CNTNAP2: variants seen among roughly 807,000 people sequenced by gnomAD.
The protein encoded by CNTNAP2 is contactin associated protein 2.
A neutral mutation model predicts 155.2 loss-of-function variants in CNTNAP2; 98 were observed. That is an observed-to-expected ratio of 0.63 (90% CI 0.54 to 0.75). CNTNAP2 has a LOEUF of 0.75. CNTNAP2 is among the 30% of genes least tolerant of loss of function. CNTNAP2 has a pLI of 0.00. For missense variants in CNTNAP2, 1,727 were observed against 1,688.1 expected (o/e 1.02, Z -0.40); for synonymous variants, 651 against 631.2 (o/e 1.03, Z -0.47).
At chr7:146,845,463 T>C (rs1188912960) in intron 3 of CNTNAP2, among the ~76,000 whole-genome samples, 1 of 152,186 alleles carries the variant, frequency 6.6e-6, no homozygotes, top group African/African-American at 2.4e-5. Flanking sequence ...TTAAGTGAGA[T>C]TATGTAAGTA....
chr7:147,215,906 T>C (rs1315491939), intron 8 of CNTNAP2, among the ~76,000 whole-genome samples: 2 of 152,152 alleles, frequency 1.3e-5, no homozygotes, highest in African/African-American at 2.4e-5. Context: ...TGATATCTCA[T>C]TGTTGTTTTA....
At chr7:147,769,311 T>C (rs1197422808) in intron 13 of CNTNAP2, among the ~76,000 whole-genome samples, 1 of 152,122 alleles carries the variant, frequency 6.6e-6, no homozygotes, top group Non-Finnish European at 1.5e-5. Context: ...ACATACTATG[T>C]TCGCTGGGAG....
chr7:147,429,651 A>G (rs182102081), intron 10 of CNTNAP2, among the ~76,000 whole-genome samples: 4 of 152,208 alleles, frequency 2.6e-5, no homozygotes, highest in South Asian at 2.1e-4. Context: ...AGCTATGTCT[A>G]GAAGAGTTTT....
intron 1 of CNTNAP2, among the ~76,000 whole-genome samples, chr7:146,646,351 T>A (rs1452542690): frequency 6.6e-6 from 1 of 152,206 alleles, no homozygotes. Flanking sequence ...CACATGTGTA[T>A]TTATGTGTAT....
At chr7:147,065,248 G>T (rs1331505146) in intron 4 of CNTNAP2, among the ~76,000 whole-genome samples, 4 of 152,116 alleles carry the variant, frequency 2.6e-5, no homozygotes, top group Non-Finnish European at 5.9e-5. Context: ...TAATTGAAAA[G>T]TTTAATGGAA....
intron 7 of CNTNAP2, among the ~76,000 whole-genome samples, chr7:147,131,184 A>C (rs191041559): frequency 6.6e-6 from 1 of 150,832 alleles, no homozygotes; most frequent in African/African-American, 2.4e-5. Flanking sequence ...ATACATATAC[A>C]TATACCATAC....
intron 12 of CNTNAP2, among the ~76,000 whole-genome samples, chr7:147,631,752 T>C (rs1795089647): frequency 6.6e-6 from 1 of 152,154 alleles, no homozygotes; most frequent in South Asian, 2.1e-4. Context: ...ATTCAACAAA[T>C]GGTGCTGGGA....
At chr7:147,915,760 T>G (rs2538960) in intron 14 of CNTNAP2, among the ~76,000 whole-genome samples, 40,203 of 130,906 alleles carry the variant, frequency 0.31, 5,851 homozygotes, top group African/African-American at 0.41. Context: ...CGGGCGGGGG[T>G]GAAGAAGAAG....
chr7:147,284,444 A>T (rs996642416), intron 8 of CNTNAP2, among the ~76,000 whole-genome samples: 1 of 151,924 alleles, frequency 6.6e-6, no homozygotes, highest in African/African-American at 2.4e-5. Flanking sequence ...TGAATATCAC[A>T]TATGTGTGCA....
intron 1 of CNTNAP2, among the ~76,000 whole-genome samples, chr7:146,324,392 GGTA>G (rs1801061206): frequency 6.6e-6 from 1 of 152,142 alleles, no homozygotes; most frequent in African/African-American, 2.4e-5. Context: ...AGACCATGAA[GGTA>G]CATAAATAGA....
intron 2 of CNTNAP2, among the ~76,000 whole-genome samples, chr7:146,835,861 T>A (rs968158548): frequency 3.9e-5 from 6 of 152,150 alleles, no homozygotes; most frequent in African/African-American, 1.4e-4. Flanking sequence ...CTTTGACCAA[T>A]CCCTGCAGGG....
chr7:146,153,196 AC>A (rs1241067097), intron 1 of CNTNAP2, among the ~76,000 whole-genome samples: 1 of 151,916 alleles, frequency 6.6e-6, no homozygotes, highest in Non-Finnish European at 1.5e-5. Context: ...ATTAAAAATG[AC>A]AAAATTTTAA....
At chr7:147,262,152 T>C (rs1295204325) in intron 8 of CNTNAP2, among the ~76,000 whole-genome samples, 1 of 152,102 alleles carries the variant, frequency 6.6e-6, no homozygotes. Context: ...AAGACAAAAG[T>C]TCAAGAAGGG....
chr7:148,394,900 GAGC>G (rs1351513942), intron 22 of CNTNAP2, among the ~76,000 whole-genome samples: 3 of 152,092 alleles, frequency 2.0e-5, no homozygotes, highest in Non-Finnish European at 4.4e-5. Context: ...CTTCTTGTGG[GAGC>G]AGATCTTTGA....
At chr7:147,628,460 G>A (rs762976601) in intron 12 of CNTNAP2, among the ~76,000 whole-genome samples, 6 of 152,040 alleles carry the variant, frequency 3.9e-5, no homozygotes, top group Non-Finnish European at 5.9e-5. Flanking sequence ...CTAAGCCAGC[G>A]CTATAAGAAA....
intron 12 of CNTNAP2, among the ~76,000 whole-genome samples, chr7:147,635,288 G>A (rs1795159451): frequency 6.7e-6 from 1 of 148,638 alleles, no homozygotes; most frequent in African/African-American, 2.5e-5. Context: ...TTTTTTAATC[G>A]AATTTTTAAA....
intron 21 of CNTNAP2, among the ~76,000 whole-genome samples, chr7:148,289,618 C>T (rs901211557): frequency 5.3e-5 from 8 of 152,020 alleles, no homozygotes; most frequent in African/African-American, 1.9e-4. Context: ...GTTGGGGAGG[C>T]GGGTAAAGGA....
At chr7:147,114,323 G>A (rs560642858) in intron 5 of CNTNAP2, among the ~76,000 whole-genome samples, 10 of 152,200 alleles carry the variant, frequency 6.6e-5, no homozygotes, top group Admixed American at 4.6e-4. Flanking sequence ...ATATCTATCA[G>A]GTCTACTTGA....
chr7:147,645,887 G>A (rs986763904), intron 13 of CNTNAP2, among the ~76,000 whole-genome samples: 1 of 152,178 alleles, frequency 6.6e-6, no homozygotes, highest in African/African-American at 2.4e-5. Context: ...CAGAATGGCT[G>A]GAGTAGTGAA....
Sources: allele counts gnomAD v4.1 joint callset (sites outside exome capture counted in the v4.1 genomes callset), GRCh38; gene constraint gnomAD v4.1.1; transcripts MANE v1.5; gene names NCBI Gene and HGNC (gene_info 2026-07-23, HGNC 2026-07-21).